The following NR6A1 variants were observed in gnomAD, a reference collection of about 807,000 sequenced individuals.
NR6A1 encodes the protein nuclear receptor subfamily 6 group A member 1.
NR6A1 carries 7 observed loss-of-function variants against 59.1 expected under a neutral mutation model. That is an observed-to-expected ratio of 0.12 (90% confidence interval 0.07 to 0.22). NR6A1 has a LOEUF of 0.22. Among genes scored for constraint, NR6A1 ranks in the 10% least tolerant of loss-of-function variants. The pLI is 1.00. For missense variants in NR6A1, 468 were observed against 611.6 expected (o/e 0.77, Z 2.48); for synonymous variants, 243 against 236.1 (o/e 1.03, Z -0.27).
chr9:124,585,887 A>G (rs2131472809), intron 2 of NR6A1, among the ~76,000 whole-genome samples: 1 of 152,332 alleles, frequency 6.6e-6, no homozygotes, highest in African/African-American at 2.4e-5. Context: ...AAATGGAACA[A>G]CAAAGCCTGG....
chr9:124,522,970 C>T (rs1039896919), intron 9 of NR6A1, among the ~76,000 whole-genome samples, 177 bp from the exon 10 acceptor site: 1 of 152,136 alleles, frequency 6.6e-6, no homozygotes, highest in African/African-American at 2.4e-5. Context: ...ATCCAGACCC[C>T]TTTGGGTGCC....
chr9:124,763,938 C>G (rs1427856159), intron 1 of NR6A1, among the ~76,000 whole-genome samples: 1 of 152,116 alleles, frequency 6.6e-6, no homozygotes, highest in African/African-American at 2.4e-5. Context: ...AATCCCAGTA[C>G]TTTGGGAGAC....
chr9:124,571,009 G>A (rs1312152333), intron 2 of NR6A1, among the ~76,000 whole-genome samples: 1 of 152,154 alleles, frequency 6.6e-6, no homozygotes, highest in Non-Finnish European at 1.5e-5. Flanking sequence ...GGAGGAGATG[G>A]ACATCAATCC....
chr9:124,567,059 G>A (rs1433387885), intron 2 of NR6A1, among the ~76,000 whole-genome samples: 3 of 150,572 alleles, frequency 2.0e-5, no homozygotes, highest in Admixed American at 2.0e-4. Context: ...AGTGAGCCGA[G>A]ATCCCGCCAC....
intron 2 of NR6A1, chr9:124,598,949 T>C: frequency 2.8e-6 from 2 of 708,688 alleles, no homozygotes; most frequent in South Asian, 2.9e-5. Context: ...TCAGGCATGG[T>C]CATTACCCAC....
intron 2 of NR6A1, among the ~76,000 whole-genome samples, chr9:124,584,827 T>C (rs1834876440): frequency 6.6e-6 from 1 of 152,086 alleles, no homozygotes; most frequent in Non-Finnish European, 1.5e-5. Flanking sequence ...CGTCTCTCAC[T>C]TTAAATCAAA....
chr9:124,767,996 T>C (rs1840987276), intron 1 of NR6A1, among the ~76,000 whole-genome samples: 1 of 152,226 alleles, frequency 6.6e-6, no homozygotes, highest in Admixed American at 6.5e-5. Context: ...AATGAGTTCA[T>C]GTTTGTTATG....
chr9:124,627,882 C>CTT (rs59874800), intron 2 of NR6A1, among the ~76,000 whole-genome samples: 895 of 83,780 alleles, frequency 0.011, 43 homozygotes, highest in South Asian at 0.021. Flanking sequence ...CTGAGATTTT[C>CTT]TTTTTTTTTT....
chr9:124,599,887 T>C (rs549275864), intron 2 of NR6A1, among the ~76,000 whole-genome samples: 2 of 152,358 alleles, frequency 1.3e-5, no homozygotes, highest in Admixed American at 1.3e-4. Context: ...AAAGCCTCTT[T>C]TGAGATGTTC....
chr9:124,663,557 A>G (rs867140464), intron 2 of NR6A1, among the ~76,000 whole-genome samples: 1 of 152,164 alleles, frequency 6.6e-6, no homozygotes, highest in Non-Finnish European at 1.5e-5. Context: ...GGATATGTAT[A>G]TAAACACTGA....
At chr9:124,685,716 A>T (rs890521788) in intron 2 of NR6A1, among the ~76,000 whole-genome samples, 3 of 152,218 alleles carry the variant, frequency 2.0e-5, no homozygotes, top group African/African-American at 7.2e-5. Context: ...AAGTTACAAA[A>T]TTGTAGGTTG....
At chr9:124,594,986 C>G (rs1306837240) in intron 2 of NR6A1, among the ~76,000 whole-genome samples, 1 of 152,210 alleles carries the variant, frequency 6.6e-6, no homozygotes, top group African/African-American at 2.4e-5. Context: ...AAACCAAACT[C>G]TTGCAAACTC....
At chr9:124,720,778 G>GAAAAAAAAAGTTCT (rs1839541106) in intron 2 of NR6A1, among the ~76,000 whole-genome samples, 1 of 151,156 alleles carries the variant, frequency 6.6e-6, no homozygotes, top group Non-Finnish European at 1.5e-5. Context: ...GAGATATTTA[G>GAAAAAAAAAGTTCT]AAAAAAAAAG....
chr9:124,605,239 A>G (rs1193587651), intron 2 of NR6A1, among the ~76,000 whole-genome samples: 2 of 152,240 alleles, frequency 1.3e-5, no homozygotes, highest in Non-Finnish European at 2.9e-5. Context: ...TGGGTGTGGT[A>G]AATTCAGCAA....
At position 124,578,399 on chromosome 9, in the gene NR6A1, T is replaced by C. The variant is rs377608706; in HGVS notation, c.143-23829A>G. Among the ~76,000 whole-genome samples, 6 of 152,352 alleles carry C rather than the reference T, an allele frequency of 3.9e-5. No individual in the cohort carries two copies. The East Asian group carries it at 7.7e-4, about 20-fold the overall frequency. The stretch of plus-strand genomic sequence containing the variant: ...TCTATTCCTACCTCCCATATCAACA[T>C]GTTTCTTGGGAAAAGTTGTATCTTA... On this transcript the variant is annotated intron_variant, in intron 2 of 9. Transcript: ENST00000487099.
intron 2 of NR6A1, among the ~76,000 whole-genome samples, chr9:124,703,206 C>T (rs867402518): frequency 3.1e-4 from 41 of 133,430 alleles, no homozygotes; most frequent in Middle Eastern, 4.6e-3. Context: ...CACACGGCCA[C>T]ATTTTTTTTT....
chr9:124,626,481 T>G (rs548535296), intron 2 of NR6A1, among the ~76,000 whole-genome samples: 7 of 152,348 alleles, frequency 4.6e-5, no homozygotes, highest in African/African-American at 1.4e-4. Flanking sequence ...GATCATACTA[T>G]GCACTAAAAA....
intron 3 of NR6A1, among the ~76,000 whole-genome samples, chr9:124,544,766 A>C (rs928077749): frequency 1.3e-5 from 2 of 152,202 alleles, no homozygotes; most frequent in African/African-American, 4.8e-5. Context: ...TGGAAAGGCC[A>C]ATTGGGCCTA....
chr9:124,754,641 C>A (rs1240922520), intron 1 of NR6A1, among the ~76,000 whole-genome samples: 1 of 152,044 alleles, frequency 6.6e-6, no homozygotes. Flanking sequence ...AGATGAACAA[C>A]GGGTTCTGTA....
Sources: allele counts gnomAD v4.1 joint callset (sites outside exome capture counted in the v4.1 genomes callset), GRCh38; gene constraint gnomAD v4.1.1; transcripts MANE v1.5; gene names NCBI Gene and HGNC (gene_info 2026-07-23, HGNC 2026-07-21).